Variants in OTOP2 observed in about 807,000 individuals in gnomAD.
OTOP2 encodes proton channel OTOP2.
OTOP2 carries 41 observed loss-of-function variants against 47.4 expected under a neutral mutation model. The observed-to-expected ratio is 0.87, with a 90% CI of 0.67 to 1.12. OTOP2 has a LOEUF of 1.12. Ranked by LOEUF, OTOP2 falls within the 50% of genes most tolerant of loss-of-function variation. The pLI, the probability that OTOP2 is intolerant of heterozygous loss-of-function variation, is 0.00. For missense variants in OTOP2, 721 were observed against 752.2 expected (o/e 0.96, Z 0.49); for synonymous variants, 328 against 319.6 (o/e 1.03, Z -0.28).
chr17:74,927,367 C>A (rs538615191), intron 4 of OTOP2, 86 bp downstream of exon 4: 2 of 1,457,944 alleles, frequency 1.4e-6, no homozygotes, highest in Admixed American at 3.4e-5. Context: ...TGGGGCAGGG[C>A]CTCTCTTTAT....
At chr17:74,931,650 C>G (rs1346887689) in intron 6 of OTOP2, among the ~76,000 whole-genome samples, 1 of 152,094 alleles carries the variant, frequency 6.6e-6, no homozygotes, top group Non-Finnish European at 1.5e-5. Flanking sequence ...AGTGACTCAG[C>G]AAAGATTAAG....
intron 3 of OTOP2, among the ~76,000 whole-genome samples, chr17:74,926,725 C>T (rs1196586857): frequency 2.0e-5 from 3 of 151,894 alleles, no homozygotes; most frequent in African/African-American, 7.3e-5. Context: ...AAAGACAGTG[C>T]TCCCCACCTA....
Position 74,930,376 on chromosome 17 carries a change from C to A in OTOP2, c.741C>A (p.Asn247Lys), listed in dbSNP as rs748291306. 1 of 1,614,094 alleles carries A rather than the reference C, an allele frequency of 6.2e-7. No individual in the cohort carries two copies. Among genetic ancestry groups the A allele is most frequent in the Non-Finnish European group, 8.5e-7 (1 of 1,180,050 alleles). The part of the protein sequence containing the change: ...QQGYFYLYPF[N>K]IEYSLFASTM... Reference sequence around the variant, plus strand: ...GGTACTTCTACCTATATCCCTTCAACATCGAGTACAGCCTCTTCGCCTCCA... The same window carrying A: ...GGTACTTCTACCTATATCCCTTCAAAATCGAGTACAGCCTCTTCGCCTCCA... Residue 247 changes from asparagine to lysine, a missense_variant, in exon 6 of 7, where the codon AAC (asparagine) becomes AAA (lysine). Physicochemically the swap from Asn to Lys is moderately conservative, Grantham distance 94. Coordinates refer to ENST00000331427, the MANE Select transcript of OTOP2 (RefSeq NM_178160.3). This position sits in a 1 kb window ranked among gnomAD's most constrained non-coding sequence, Gnocchi z 4.0.
In OTOP2 at chr17:74,933,445, A is replaced by C. The variant is rs764118201; in HGVS notation, c.1589A>C (p.Tyr530Ser). 88 of 1,613,700 alleles carry C rather than the reference A, an allele frequency of 5.5e-5. No homozygotes were observed. Among genetic ancestry groups the C allele is most frequent in the Non-Finnish European group, 7.5e-5 (88 of 1,179,876 alleles). Residue 530 changes from tyrosine to serine, a missense_variant, in exon 7 of 7, where the codon TAC (tyrosine) becomes TCC (serine). Coordinates refer to ENST00000331427, the MANE Select transcript of OTOP2 (RefSeq NM_178160.3). The surrounding 1 kb of genome is among the most constrained non-coding windows in gnomAD (Gnocchi z 4.7). Reference sequence around the variant, plus strand: ...ACAGTGGAGGTGGATTTCTACGGCTACTCCCTCTGGGCGGTCATCGTCAAC... The same window carrying C: ...ACAGTGGAGGTGGATTTCTACGGCTCCTCCCTCTGGGCGGTCATCGTCAAC... ...SNTVEVDFYG[Y>S]SLWAVIVNIC...
rs2039000916 is a variant in OTOP2, at chr17:74,925,673, C to G, written c.431C>G (p.Ala144Gly). 2 of 1,614,174 alleles carry G rather than the reference C, an allele frequency of 1.2e-6. No homozygotes were observed. The highest frequency in any genetic ancestry group is 1.7e-6 in the Non-Finnish European group (2 of 1,180,014). ...AIKILHPLIQ[A>G]VFVIIQTYFL... ...AAGATCCTGCACCCCCTCATCCAGG[C>G]TGTGTTTGTCATCATCCAGGTGGGT... The change falls in exon 3 of 7, where the codon GCT becomes GGT. Residue 144 changes from alanine to glycine, a missense_variant. Ala to Gly is a moderately conservative substitution (Grantham distance 60). Coordinates refer to ENST00000331427, the MANE Select transcript of OTOP2 (RefSeq NM_178160.3).
chr17:74,931,431 G>A (rs2039058058), intron 6 of OTOP2, among the ~76,000 whole-genome samples: 1 of 152,220 alleles, frequency 6.6e-6, no homozygotes, highest in Admixed American at 6.5e-5. Flanking sequence ...GGGCTGGGCA[G>A]AGGTGAGAGG....
rs1452577759 is a variant in OTOP2, at chr17:74,924,300, C to T, written c.-67C>T. 5 of 344,702 alleles carry T rather than the reference C, an allele frequency of 1.5e-5. No individual in the cohort carries two copies. The highest frequency in any genetic ancestry group is 1.6e-3 in the Middle Eastern group (2 of 1,262). The allele number at this position is 344,702 out of a possible 1,614,324, so 21.4% of individuals were successfully genotyped here. On this transcript the variant is annotated 5_prime_UTR_variant, in exon 1 of 7. Coordinates refer to ENST00000331427, the MANE Select transcript of OTOP2 (RefSeq NM_178160.3). This position sits in a 1 kb window ranked among gnomAD's most constrained non-coding sequence, Gnocchi z 7.7. ...AGAGGAGACGCTCGCCGTCCCCTGA[C>T]CCCCAGCTCAGCGCCGGCTCCAAGC...
chr17:74,924,880 G>C lies in OTOP2; in HGVS notation c.248G>C (p.Arg83Pro). The change falls in exon 2 of 7, where the codon CGA becomes CCA. Residue 83 changes from arginine (R) to proline (P), a missense_variant. Coordinates refer to ENST00000331427, the MANE Select transcript of OTOP2 (RefSeq NM_178160.3). This position sits in a 1 kb window ranked among gnomAD's most constrained non-coding sequence, Gnocchi z 7.7. The stretch of plus-strand genomic sequence containing the variant: ...CTCTGGATCCTCTTCTACCTCCTCC[G>C]AACCGTGCGCTGCCCCTGCGCGGTA... ...ATLWILFYLLRTVRCPCAVPY... is the reference protein window; with the variant it reads ...ATLWILFYLLPTVRCPCAVPY... 6.2e-7 allele frequency: 1 copy of C among 1,600,864 alleles called. No individual in the cohort carries two copies. The highest frequency in any genetic ancestry group is 1.1e-5 in the South Asian group (1 of 88,904).
Position 74,924,968 on chromosome 17 carries a change from G to A in OTOP2, c.313+23G>A. The A allele has an allele frequency of 4.6e-6, 7 of 1,532,272 alleles. No homozygotes were observed. In the African/African-American group the frequency reaches 5.5e-5, roughly 12 times the overall value. The allele number at this position is 1,532,272 out of a possible 1,614,324, so 94.9% of individuals were successfully genotyped here. On this transcript the variant is annotated intron_variant, in intron 2 of 6. Coordinates refer to ENST00000331427, the MANE Select transcript of OTOP2 (RefSeq NM_178160.3). This position sits in a 1 kb window ranked among gnomAD's most constrained non-coding sequence, Gnocchi z 7.7. Reference sequence around the variant, plus strand: ...GAGGTGCCAGGGGAGGTGGGGGCGAGGTAGGGTGGGCACAACAGGGAGCTG... The same window carrying A: ...GAGGTGCCAGGGGAGGTGGGGGCGAAGTAGGGTGGGCACAACAGGGAGCTG...
chr17:74,932,315 AC>A (rs1049387600), intron 6 of OTOP2, among the ~76,000 whole-genome samples: 2 of 152,126 alleles, frequency 1.3e-5, no homozygotes, highest in Non-Finnish European at 2.9e-5. Context: ...AGTGAATTCT[AC>A]CCCATGAAAT....
At position 74,933,591 on chromosome 17, in the gene OTOP2, A is replaced by C; in HGVS notation, c.*46A>C. 6.5e-7 allele frequency: 1 copy of C among 1,529,336 alleles called. No homozygotes were observed. The highest frequency in any genetic ancestry group is 8.9e-7 in the Non-Finnish European group (1 of 1,123,766). The allele number at this position is 1,529,336 out of a possible 1,614,324, so 94.7% of individuals were successfully genotyped here. Reference sequence around the variant, plus strand: ...GGGGCAGGAAGAGGGGGCTCAGCTCATGTGCCCACTCAGACACCCTCTGGG... The same window carrying C: ...GGGGCAGGAAGAGGGGGCTCAGCTCCTGTGCCCACTCAGACACCCTCTGGG... On this transcript the variant is annotated 3_prime_UTR_variant, in exon 7 of 7. Coordinates refer to ENST00000331427, the MANE Select transcript of OTOP2 (RefSeq NM_178160.3). This position sits in a 1 kb window ranked among gnomAD's most constrained non-coding sequence, Gnocchi z 4.7.
chr17:74,931,174 A>G, intron 6 of OTOP2, 21 bp downstream of exon 6: 1 of 1,561,540 alleles, frequency 6.4e-7, no homozygotes, highest in Non-Finnish European at 8.7e-7. Flanking sequence ...GGGGGGAGAA[A>G]GGGTGGGCTT....
At position 74,930,564 on chromosome 17, in the gene OTOP2, A is replaced by G; in HGVS notation, c.929A>G (p.Tyr310Cys). Residue 310 changes from tyrosine (Y) to cysteine (C), a missense_variant, in exon 6 of 7, where the codon TAC (tyrosine) becomes TGC (cysteine). Coordinates refer to ENST00000331427, the MANE Select transcript of OTOP2 (RefSeq NM_178160.3). This position sits in a 1 kb window ranked among gnomAD's most constrained non-coding sequence, Gnocchi z 4.0. ...GTGGGGCTGGCTGTCTTCATCATCT[A>G]CGAGGTTCAAGTGAGCGGGGACGGG... ...FVVGLAVFII[Y>C]EVQVSGDGSR... The G allele has an allele frequency of 1.2e-6, 2 of 1,613,536 alleles. No homozygotes were observed. The highest frequency in any genetic ancestry group is 1.7e-6 in the Non-Finnish European group (2 of 1,179,720).
At position 74,933,624 on chromosome 17, in the gene OTOP2, C is replaced by T. The variant is rs1156947792; in HGVS notation, c.*79C>T. ...ACTCAGACACCCTCTGGGAATGAAT[C>T]CCAGCTGGTGCCATATGACAGCCCA... is the stretch of plus-strand genomic sequence containing the variant. On this transcript the variant is annotated 3_prime_UTR_variant, in exon 7 of 7. Transcript: ENST00000331427. The surrounding 1 kb of genome is among the most constrained non-coding windows in gnomAD (Gnocchi z 4.7). 4 of 1,436,466 alleles carry T rather than the reference C, an allele frequency of 2.8e-6. No individual in the cohort carries two copies. Among genetic ancestry groups the T allele is most frequent in the African/African-American group, 2.8e-5 (2 of 71,256 alleles). The allele number at this position is 1,436,466 out of a possible 1,614,324, so 89.0% of individuals were successfully genotyped here.
intron 2 of OTOP2, among the ~76,000 whole-genome samples, 190 bp from the exon 3 acceptor site, chr17:74,925,366 C>T (rs1251332737): frequency 1.3e-5 from 2 of 152,094 alleles, no homozygotes; most frequent in East Asian, 3.9e-4. Flanking sequence ...CACCCATTCA[C>T]CTTTCAGTCT....
intron 5 of OTOP2, among the ~76,000 whole-genome samples, chr17:74,929,258 T>C (rs2039034644): frequency 6.6e-6 from 1 of 152,074 alleles, no homozygotes; most frequent in Non-Finnish European, 1.5e-5. Flanking sequence ...CAGCTGGCTT[T>C]CTGGGCTGAA....
chr17:74,930,409 G>A lies in OTOP2; in HGVS notation c.774G>A (p.Leu258=). ...ACAGCCTCTTCGCCTCCACCATGCTGTATGTCATGTGGAAGAATGTGGGTA... is the reference window on the plus strand; with the variant it reads ...ACAGCCTCTTCGCCTCCACCATGCTATATGTCATGTGGAAGAATGTGGGTA... ...IEYSLFASTM[L]YVMWKNVGRF... is the part of the protein sequence containing the mutation. Residue 258 remains leucine (L), a synonymous_variant, in exon 6 of 7, where the codon CTG becomes CTA. Transcript: ENST00000331427. The surrounding 1 kb of genome is among the most constrained non-coding windows in gnomAD (Gnocchi z 4.0). 1 of 1,614,152 alleles carries A rather than the reference G, an allele frequency of 6.2e-7. No homozygotes were observed. The highest frequency in any genetic ancestry group is 1.1e-5 in the South Asian group (1 of 91,078).
chr17:74,924,489 A>C lies in OTOP2; in HGVS notation c.-33-111A>C, dbSNP rs1445120327. 2 of 969,166 alleles carry C rather than the reference A, an allele frequency of 2.1e-6. No individual in the cohort carries two copies. Among genetic ancestry groups the C allele is most frequent in the Non-Finnish European group, 2.9e-6 (2 of 685,342 alleles). 60.0% of individuals were successfully genotyped at this position (969,166 alleles called of 1,614,324 possible). A position where few individuals can be genotyped will look rare whatever the true frequency, so the allele number is the denominator to read the frequency against. Reference sequence around the variant, plus strand: ...TTCCCAGCGCTTCCTCCAGCACCCGAAGCCCCAACCCTGCGGGTCAGGAAC... The same window carrying C: ...TTCCCAGCGCTTCCTCCAGCACCCGCAGCCCCAACCCTGCGGGTCAGGAAC... On this transcript the variant is annotated intron_variant, in intron 1 of 6. Transcript: ENST00000331427. The surrounding 1 kb of genome is among the most constrained non-coding windows in gnomAD (Gnocchi z 7.7).
rs2039044769 is a variant in OTOP2, at chr17:74,930,430, G to A, written c.795G>A (p.Val265=). 1 of 1,614,044 alleles carries A rather than the reference G, an allele frequency of 6.2e-7. No individual in the cohort carries two copies. The highest frequency in any genetic ancestry group is 1.7e-5 in the Admixed American group (1 of 59,988). ...TGCTGTATGTCATGTGGAAGAATGTGGGTAGATTCCTGGCCTCCACCCCTG... is the reference window on the plus strand; with the variant it reads ...TGCTGTATGTCATGTGGAAGAATGTAGGTAGATTCCTGGCCTCCACCCCTG... The part of the protein sequence containing the change: ...STMLYVMWKN[V]GRFLASTPGH... The change falls in exon 6 of 7, where the codon GTG becomes GTA. Residue 265 remains valine (V), a synonymous_variant. Coordinates refer to ENST00000331427, the MANE Select transcript of OTOP2 (RefSeq NM_178160.3). This position sits in a 1 kb window ranked among gnomAD's most constrained non-coding sequence, Gnocchi z 4.0.
Sources: gnomAD v4.1 joint callset for allele counts (sites outside exome capture counted in the v4.1 genomes callset) on GRCh38, gnomAD v4.1.1 for gene constraint, Gnocchi (gnomAD v3.1) non-coding constraint, MANE v1.5 for transcripts, NCBI Gene and HGNC (gene_info 2026-07-23, HGNC 2026-07-21) for gene names.